The following IMPA1 variants were observed in gnomAD, a reference collection of about 807,000 sequenced individuals.
The protein encoded by IMPA1 is D-galactose 1-phosphate phosphatase.
Under a neutral mutation model 34.9 loss-of-function variants are expected in IMPA1, and 21 were observed. That is an observed-to-expected ratio of 0.60 (90% confidence interval 0.43 to 0.87). The LOEUF (loss-of-function observed/expected upper bound fraction) is 0.87. IMPA1 is among the 40% of genes least tolerant of loss of function. The probability of loss-of-function intolerance (pLI) is 0.00; values close to 1 mark genes in which losing one functional copy is unlikely to be tolerated. For missense variants in IMPA1, 299 were observed against 336.4 expected, an observed-to-expected ratio of 0.89 and a Z score of 0.87; for synonymous variants, 95 against 104.4, an observed-to-expected ratio of 0.91 and a Z score of 0.55.
At chr8:81,685,973 G>A (rs374727420) in intron 1 of IMPA1, 20 of 1,474,490 alleles carry the variant, frequency 1.4e-5, no homozygotes, top group East Asian at 8.2e-5. Flanking sequence ...GCTTTTCGGA[G>A]TTGGGGACAT....
chr8:81,668,133 G>A (rs772494040), intron 7 of IMPA1, among the ~76,000 whole-genome samples: 2 of 152,038 alleles, frequency 1.3e-5, no homozygotes, highest in African/African-American at 4.8e-5. Context: ...AACTTGACAG[G>A]GTTTCCTGAA....
At position 81,681,551 on chromosome 8, in the gene IMPA1, G is replaced by C. The variant is rs1233065614; in HGVS notation, c.10C>G (p.Pro4Ala). Residue 4 changes from proline to alanine, a missense_variant, in exon 2 of 9, where the codon CCT (proline) becomes GCT (alanine). Coordinates refer to ENST00000256108, the MANE Select transcript of IMPA1 (RefSeq NM_005536.4). ...GCATAATCCATGCATTCCTGCCAAG[G>C]ATCAGCCATCTTCTGAAAATATTTG... MAD[P>A]WQECMDYAVT... 4 of 1,606,832 alleles carry C rather than the reference G, an allele frequency of 2.5e-6. No homozygotes were observed. Among genetic ancestry groups the C allele is most frequent in the Non-Finnish European group, 3.4e-6 (4 of 1,173,924 alleles).
intron 5 of IMPA1, chr8:81,674,200 G>A (rs1488392268): frequency 8.2e-6 from 3 of 366,726 alleles, no homozygotes; most frequent in South Asian, 5.7e-5. Flanking sequence ...CTCCTGCTTC[G>A]GAAGACAGGG....
intron 8 of IMPA1, 140 bp from the exon 9 acceptor site, chr8:81,659,606 CT>C: frequency 1.6e-6 from 1 of 610,590 alleles, no homozygotes; most frequent in South Asian, 2.0e-5. Flanking sequence ...TGTTACATTT[CT>C]ACAATGTATA....
chr8:81,670,464 A>G (rs1211213909), intron 7 of IMPA1, among the ~76,000 whole-genome samples: 1 of 152,200 alleles, frequency 6.6e-6, no homozygotes, highest in Non-Finnish European at 1.5e-5. Flanking sequence ...CTTTGAGAAA[A>G]AAGAACAAGA....
intron 4 of IMPA1, among the ~76,000 whole-genome samples, chr8:81,677,667 G>A (rs1320488481): frequency 6.6e-6 from 1 of 152,168 alleles, no homozygotes; most frequent in African/African-American, 2.4e-5. Context: ...TTTTAAATAT[G>A]TAAGAAAGTT....
At chr8:81,670,004 C>T (rs1051289586) in intron 7 of IMPA1, among the ~76,000 whole-genome samples, 8 of 152,208 alleles carry the variant, frequency 5.3e-5, no homozygotes, top group Non-Finnish European at 8.8e-5. Flanking sequence ...TGCCTCAGGA[C>T]TCTACAAAGA....
chr8:81,675,178 C>A (rs1276062663), intron 5 of IMPA1, among the ~76,000 whole-genome samples: 1 of 152,146 alleles, frequency 6.6e-6, no homozygotes, highest in Non-Finnish European at 1.5e-5. Context: ...CTCACCATTC[C>A]CCACACGTAT....
chr8:81,682,886 T>C (rs1331714903), intron 1 of IMPA1, among the ~76,000 whole-genome samples: 2 of 152,172 alleles, frequency 1.3e-5, no homozygotes, highest in Admixed American at 6.5e-5. Flanking sequence ...TGCTATACAC[T>C]GCACCATGGG....
chr8:81,661,171 G>T (rs1806663670), intron 7 of IMPA1, among the ~76,000 whole-genome samples: 1 of 152,118 alleles, frequency 6.6e-6, no homozygotes, highest in Non-Finnish European at 1.5e-5. Flanking sequence ...AATTACTGCA[G>T]GTTTGCCCTC....
intron 8 of IMPA1, 91 bp downstream of exon 8, chr8:81,660,425 T>C (rs747166189): frequency 1.4e-4 from 153 of 1,109,608 alleles, no homozygotes; most frequent in Non-Finnish European, 2.0e-4. Context: ...AAAACTGCAG[T>C]ATAACATATA....
In IMPA1 at chr8:81,679,192, CT is replaced by C; in HGVS notation, c.235del (p.Ser79ValfsTer3). 1 of 1,613,910 alleles carries C rather than the reference CT, an allele frequency of 6.2e-7. No homozygotes were observed. The highest frequency in any genetic ancestry group is 8.5e-7 in the Non-Finnish European group (1 of 1,179,848). On this transcript the variant is annotated frameshift_variant, in exon 4 of 9. Coordinates refer to ENST00000256108, the MANE Select transcript of IMPA1 (RefSeq NM_005536.4). LOFTEE classifies it high-confidence loss of function. ...CCATGTGGGGTTGTCGGTTAAGATA[CT>C]TTTTTCCCCAGCTGCCACAGATTCT... Reference protein sequence around the residue: ...GEESVAAGEKSILTDNPTWII... With the variant: ...GEESVAAGEKXILTDNPTWII...
intron 7 of IMPA1, among the ~76,000 whole-genome samples, chr8:81,666,644 T>C (rs1806830199): frequency 6.6e-6 from 1 of 151,086 alleles, no homozygotes. Flanking sequence ...GAGGCAGAGG[T>C]GGGTGGATCA....
chr8:81,679,057 A>C lies in IMPA1; in HGVS notation c.302+69T>G, dbSNP rs74841350. ...ATTTTCTAAAGTGTACATGTTCCTA[A>C]ATAGAGTATCTATAGGTCAATCCAG... On this transcript the variant is annotated intron_variant, in intron 4 of 8. Coordinates refer to ENST00000256108, the MANE Select transcript of IMPA1 (RefSeq NM_005536.4). The C allele has an allele frequency of 0.054, 51,533 of 955,660 alleles. 1,753 individuals are homozygous for C. Among genetic ancestry groups the C allele is most frequent in the African/African-American group, 0.12 (7,423 of 61,256 alleles). 59.2% of individuals were successfully genotyped at this position (955,660 alleles called of 1,614,324 possible).
At chr8:81,681,913 G>A in intron 1 of IMPA1, among the ~76,000 whole-genome samples, 1 of 152,076 alleles carries the variant, frequency 6.6e-6, no homozygotes, top group East Asian at 1.9e-4. Flanking sequence ...ATAATATTTT[G>A]GAGGAGAATA....
At chr8:81,674,571 C>T in intron 5 of IMPA1, 1 of 316,054 alleles carries the variant, frequency 3.2e-6, no homozygotes, top group South Asian at 2.6e-5. Context: ...TTATTCAATA[C>T]TTAATTCACT....
chr8:81,683,865 G>A (rs1585905778), intron 1 of IMPA1, among the ~76,000 whole-genome samples: 1 of 152,174 alleles, frequency 6.6e-6, no homozygotes, highest in East Asian at 1.9e-4. Context: ...GGAACAGACT[G>A]ACTGTGGAAA....
intron 4 of IMPA1, among the ~76,000 whole-genome samples, chr8:81,677,417 CT>C (rs1347487345): frequency 1.3e-5 from 2 of 152,066 alleles, no homozygotes; most frequent in Admixed American, 1.3e-4. Context: ...TTCCTATGTC[CT>C]ACACCGTGAT....
chr8:81,659,146 C>T lies in IMPA1; in HGVS notation c.*205G>A. 1.8e-6 allele frequency: 1 copy of T among 564,474 alleles called. No homozygotes were observed. Among genetic ancestry groups the T allele is most frequent in the South Asian group, 2.1e-5 (1 of 46,600 alleles). The allele number at this position is 564,474 out of a possible 1,614,324, so 35.0% of individuals were successfully genotyped here. ...GTATGTTTCCTAAAGTACATTCTTA[C>T]ATGCAAAATTTTTTAAATCAGTGAA... On this transcript the variant is annotated 3_prime_UTR_variant, in exon 9 of 9. Transcript: ENST00000256108.
Sources: allele counts gnomAD v4.1 joint callset (sites outside exome capture counted in the v4.1 genomes callset), GRCh38; gene constraint gnomAD v4.1.1; transcripts MANE v1.5; gene names NCBI Gene and HGNC (gene_info 2026-07-23, HGNC 2026-07-21).